ZNF100: variants seen among roughly 807,000 people sequenced by gnomAD.
ZNF100 encodes zinc finger protein 100 (Y1).
A neutral mutation model predicts 15.8 loss-of-function variants in ZNF100; 12 were observed. That is an observed-to-expected ratio of 0.76 (90% CI 0.49 to 1.23). The LOEUF (loss-of-function observed/expected upper bound fraction) is 1.23. ZNF100 is among the 50% of genes most tolerant of loss of function. The probability of loss-of-function intolerance (pLI) is 0.00; values close to 1 mark genes in which losing one functional copy is unlikely to be tolerated. For missense variants in ZNF100, 670 were observed against 635.6 expected, an observed-to-expected ratio of 1.05 and a Z score of -0.58; for synonymous variants, 226 against 214.8, an observed-to-expected ratio of 1.05 and a Z score of -0.45.
intron 4 of ZNF100, among the ~76,000 whole-genome samples, chr19:21,739,137 A>G (rs1047248209): frequency 1.3e-5 from 2 of 152,226 alleles, no homozygotes; most frequent in Non-Finnish European, 2.9e-5. Context: ...TTTGCAGAAC[A>G]TGTTCATCCA....
intron 2 of ZNF100, among the ~76,000 whole-genome samples, chr19:21,761,648 G>A (rs10412225): frequency 0.76 from 115,100 of 152,124 alleles, 44,700 homozygotes; most frequent in Non-Finnish European, 0.85. Flanking sequence ...AGAAATAATC[G>A]GGCCAAGTAT....
chr19:21,742,345 C>T (rs1302125201), intron 4 of ZNF100, among the ~76,000 whole-genome samples: 1 of 142,458 alleles, frequency 7.0e-6, no homozygotes, highest in African/African-American at 2.6e-5. Context: ...TTTTATGTTA[C>T]GTGTTTTTAC....
In ZNF100 at chr19:21,723,185, C is replaced by G. The variant is rs1007334458; in HGVS notation, c.*3498G>C. 1.7e-4 allele frequency: 25 copies of G among 150,502 alleles called. No homozygotes were observed. The highest frequency in any genetic ancestry group is 5.9e-4 in the African/African-American group (24 of 40,790). 9.3% of individuals were successfully genotyped at this position (150,502 alleles called of 1,614,324 possible). A position where few individuals can be genotyped will look rare whatever the true frequency, so the allele number is the denominator to read the frequency against. On this transcript the variant is annotated 3_prime_UTR_variant, in exon 5 of 5. Transcript: ENST00000358296. ...TGGCCAACATGGTGAAACTTCGTCT[C>G]TACAAAAAATTAAAAAAAAAAAAAT...
chr19:21,765,114 A>AT (rs1008117519), intron 2 of ZNF100, among the ~76,000 whole-genome samples: 18 of 152,124 alleles, frequency 1.2e-4, no homozygotes, highest in African/African-American at 4.3e-4. Context: ...ATGATCAGAC[A>AT]TTTTTTTCTG....
At chr19:21,763,410 T>C (rs968234941) in intron 2 of ZNF100, among the ~76,000 whole-genome samples, 1 of 152,026 alleles carries the variant, frequency 6.6e-6, no homozygotes, top group Admixed American at 6.6e-5. Flanking sequence ...GCTAACATGG[T>C]GAAACCCCGT....
chr19:21,745,145 A>C, intron 2 of ZNF100, 78 bp from the exon 3 acceptor site: 2 of 1,539,244 alleles, frequency 1.3e-6, no homozygotes, highest in South Asian at 2.5e-5. Context: ...AATTAAAATG[A>C]AATGACAGAG....
chr19:21,732,712 T>C (rs962428608), intron 4 of ZNF100, among the ~76,000 whole-genome samples: 1 of 151,576 alleles, frequency 6.6e-6, no homozygotes. Context: ...AGTAGATCAA[T>C]ATATTCATCA....
intron 4 of ZNF100, among the ~76,000 whole-genome samples, chr19:21,739,952 T>C (rs184086227): frequency 3.3e-5 from 5 of 152,356 alleles, no homozygotes; most frequent in Admixed American, 3.3e-4. Context: ...GTACAATCTC[T>C]ATAAAAATCT....
At chr19:21,738,699 C>T (rs2036054369) in intron 4 of ZNF100, among the ~76,000 whole-genome samples, 1 of 152,124 alleles carries the variant, frequency 6.6e-6, no homozygotes, top group Admixed American at 6.5e-5. Context: ...AGACTCACGC[C>T]TGTAATCCAA....
intron 4 of ZNF100, among the ~76,000 whole-genome samples, chr19:21,737,399 G>T (rs1470274519): frequency 1.3e-5 from 2 of 151,870 alleles, no homozygotes. Context: ...GTTGGGCATG[G>T]TGGCTGGTGC....
intron 2 of ZNF100, among the ~76,000 whole-genome samples, chr19:21,755,732 C>T (rs552344164): frequency 1.3e-5 from 2 of 152,274 alleles, no homozygotes; most frequent in Admixed American, 1.3e-4. Flanking sequence ...TACATATAAG[C>T]CATGGAATAC....
intron 4 of ZNF100, among the ~76,000 whole-genome samples, chr19:21,741,431 A>G (rs763211243): frequency 7.9e-5 from 12 of 152,260 alleles, no homozygotes; most frequent in South Asian, 4.1e-4. Flanking sequence ...GCTGAAGTGC[A>G]AGGGGCAATC....
At position 21,744,105 on chromosome 19, in the gene ZNF100, A is replaced by G; in HGVS notation, c.234T>C (p.Ala78=). The G allele has an allele frequency of 2.5e-6, 4 of 1,604,854 alleles. No homozygotes were observed. Among genetic ancestry groups the G allele is most frequent in the Non-Finnish European group, 2.5e-6 (3 of 1,176,790 alleles). The part of the protein sequence containing the change: ...YRNLVFLAGI[A]LTKPDLITCL... ...AGGTGATCAGGTCTGGCTTAGTGAGAGCAATACCTGCTTTATTAGAAATAA... is the reference window on the plus strand; with the variant it reads ...AGGTGATCAGGTCTGGCTTAGTGAGGGCAATACCTGCTTTATTAGAAATAA... Residue 78 remains alanine, a synonymous_variant, in exon 4 of 5, where the codon GCT becomes GCC. Transcript: ENST00000358296.
chr19:21,751,136 A>C, intron 2 of ZNF100: 1 of 1,388,820 alleles, frequency 7.2e-7, no homozygotes, highest in Non-Finnish European at 1.0e-6. Context: ...TCTCAAACCG[A>C]TGTGCGAGAC....
chr19:21,764,372 G>C (rs2036527283), intron 2 of ZNF100, among the ~76,000 whole-genome samples: 1 of 152,152 alleles, frequency 6.6e-6, no homozygotes, highest in Non-Finnish European at 1.5e-5. Flanking sequence ...GGCCGGGCAT[G>C]GTGGCTCATG....
chr19:21,723,184 T>A lies in ZNF100; in HGVS notation c.*3499A>T, dbSNP rs2035711242. On this transcript the variant is annotated 3_prime_UTR_variant, in exon 5 of 5. Transcript: ENST00000358296. ...CTGGCCAACATGGTGAAACTTCGTC[T>A]CTACAAAAAATTAAAAAAAAAAAAA... The A allele has an allele frequency of 6.6e-6, 1 of 150,404 alleles. No homozygotes were observed. Among genetic ancestry groups the A allele is most frequent in the African/African-American group, 2.5e-5 (1 of 40,816 alleles). 9.3% of individuals were successfully genotyped at this position (150,404 alleles called of 1,614,324 possible). A position where few individuals can be genotyped will look rare whatever the true frequency, so the allele number is the denominator to read the frequency against.
intron 4 of ZNF100, among the ~76,000 whole-genome samples, chr19:21,729,961 A>G (rs1431937309): frequency 6.6e-6 from 1 of 152,090 alleles, no homozygotes; most frequent in African/African-American, 2.4e-5. Context: ...CCAAAAAAGA[A>G]CATGTGTGTA....
At chr19:21,739,248 G>A (rs2036064738) in intron 4 of ZNF100, among the ~76,000 whole-genome samples, 1 of 152,200 alleles carries the variant, frequency 6.6e-6, no homozygotes, top group African/African-American at 2.4e-5. Context: ...GATGTATTCT[G>A]TTAGAACACA....
chr19:21,763,839 T>C (rs921018132), intron 2 of ZNF100, among the ~76,000 whole-genome samples: 2 of 152,250 alleles, frequency 1.3e-5, no homozygotes, highest in Admixed American at 6.5e-5. Context: ...AGCCCTCGTC[T>C]GCCTAAACTT....
Sources: gnomAD v4.1 joint callset for allele counts (sites outside exome capture counted in the v4.1 genomes callset) on GRCh38, gnomAD v4.1.1 for gene constraint, MANE v1.5 for transcripts, NCBI Gene and HGNC (gene_info 2026-07-23, HGNC 2026-07-21) for gene names.